ANO4: variants seen among roughly 807,000 people sequenced by gnomAD.
ANO4 encodes anoctamin 4.
ANO4 carries 69 observed loss-of-function variants against 141.9 expected under a neutral mutation model. That is an observed-to-expected ratio of 0.49 (90% CI 0.40 to 0.59). The LOEUF is 0.59. ANO4 is among the 20% of genes least tolerant of loss of function. ANO4 has a pLI of 0.00. For synonymous variants in ANO4, 350 were observed against 394.3 expected, an observed-to-expected ratio of 0.89 and a Z score of 1.33; for missense variants, 894 against 1,162.2, an observed-to-expected ratio of 0.77 and a Z score of 3.36.
intron 2 of ANO4, among the ~76,000 whole-genome samples, chr12:100,902,905 A>G (rs747806917): frequency 1.8e-4 from 27 of 152,254 alleles, no homozygotes; most frequent in Non-Finnish European, 5.9e-5. Flanking sequence ...CTTCCTCAGG[A>G]GAATGTGTCC....
chr12:100,885,578 C>G (rs909216628), intron 1 of ANO4: 2 of 152,196 alleles, frequency 1.3e-5, no homozygotes, highest in East Asian at 3.8e-4. Flanking sequence ...ACTCAGTTTT[C>G]TCATCTGTAA....
chr12:100,986,123 C>T (rs548471781), intron 7 of ANO4, among the ~76,000 whole-genome samples: 6 of 152,270 alleles, frequency 3.9e-5, no homozygotes, highest in African/African-American at 1.4e-4. Context: ...CATCTCTCTT[C>T]TTCTGCCCTT....
intron 1 of ANO4, among the ~76,000 whole-genome samples, chr12:100,866,420 C>T (rs931474832): frequency 7.9e-5 from 12 of 152,284 alleles, no homozygotes; most frequent in East Asian, 5.8e-4. Flanking sequence ...GGCTGGATGG[C>T]GGTGACCCAA....
chr12:100,810,177 T>C (rs1399361169), intron 1 of ANO4, among the ~76,000 whole-genome samples: 1 of 147,852 alleles, frequency 6.8e-6, no homozygotes, highest in Non-Finnish European at 1.5e-5. Flanking sequence ...GATAGTCCTC[T>C]GGGCAAGGTG....
At chr12:100,727,340 T>C (rs1445953400) in intron 1 of ANO4, among the ~76,000 whole-genome samples, 1 of 152,234 alleles carries the variant, frequency 6.6e-6, no homozygotes, top group Non-Finnish European at 1.5e-5. Context: ...GGTTTCAGAT[T>C]ATTTTATTCT....
chr12:100,864,755 A>AG (rs2038666322), intron 1 of ANO4, among the ~76,000 whole-genome samples: 1 of 152,144 alleles, frequency 6.6e-6, no homozygotes, highest in African/African-American at 2.4e-5. Context: ...TTACATAGAT[A>AG]TACATGCGCC....
Position 101,097,654 on chromosome 12 carries a change from T to C in ANO4, c.1854T>C (p.Phe618=). 6.2e-7 allele frequency: 1 copy of C among 1,613,742 alleles called. No homozygotes were observed. The highest frequency in any genetic ancestry group is 1.3e-5 in the African/African-American group (1 of 75,038). The part of the protein sequence containing the change: ...TFYIAFFLGR[F]TGHPGAYLRL... ...TGTTTTTCTCTGTGTGTTGAAGATT[T>C]ACAGGACACCCAGGTGCCTACTTGA... Residue 618 remains phenylalanine (F), a synonymous_variant, in exon 20 of 28, where the codon TTT becomes TTC. Coordinates refer to ENST00000392977, the MANE Select transcript of ANO4 (RefSeq NM_001286615.2).
At chr12:100,901,872 T>C in intron 2 of ANO4, 32 bp downstream of exon 2, 3 of 1,545,556 alleles carry the variant, frequency 1.9e-6, no homozygotes, top group Non-Finnish European at 2.6e-6. Context: ...CGGGGACCCA[T>C]TTCAGTAGCA....
chr12:101,125,829 ATCGGGGATAT>A (rs2051291538), intron 26 of ANO4, among the ~76,000 whole-genome samples: 1 of 151,894 alleles, frequency 6.6e-6, no homozygotes, highest in Admixed American at 6.5e-5. Context: ...ATCAATGTTC[ATCGGGGATAT>A]TGGCCTGAAG....
intron 19 of ANO4, 90 bp downstream of exon 19, chr12:101,096,737 G>A: frequency 1.0e-6 from 1 of 980,486 alleles, no homozygotes; most frequent in South Asian, 1.4e-5. Context: ...CCCTCCCTTA[G>A]GGTGATTTAT....
rs541407665 is a variant in ANO4 at position 100,881,843 on chromosome 12, G to GA, written c.-140-19800dup. Among the ~76,000 whole-genome samples, 261 of 152,254 alleles carry GA rather than the reference G, an allele frequency of 1.7e-3. 1 individual carries two copies. Among genetic ancestry groups the GA allele is most frequent in the African/African-American group, 5.9e-3 (244 of 41,560 alleles). On this transcript the variant is annotated intron_variant, in intron 1 of 27. Transcript: ENST00000392977. ...TCTTAATCAGCCTGTTTTCCTTGAA[G>GA]AAATTTGCTTCTCTTGTGATACAGG...
chr12:100,969,825 A>G (rs1436448065), intron 5 of ANO4, among the ~76,000 whole-genome samples: 2 of 152,244 alleles, frequency 1.3e-5, no homozygotes, highest in South Asian at 2.1e-4. Context: ...GATCAATCCT[A>G]TATGAGAAAG....
At chr12:100,750,855 G>A (rs2032341842) in intron 3 of ANO4, among the ~76,000 whole-genome samples, 1 of 152,144 alleles carries the variant, frequency 6.6e-6, no homozygotes. Context: ...TCTTAGTTCT[G>A]GTTCTCTGGG....
intron 14 of ANO4, among the ~76,000 whole-genome samples, chr12:101,058,808 A>G (rs1039986400): frequency 6.6e-6 from 1 of 152,184 alleles, no homozygotes; most frequent in Non-Finnish European, 1.5e-5. Context: ...TCATCTGCAA[A>G]TAGAGACAAT....
chr12:100,865,423 G>A (rs1206506318), intron 1 of ANO4, among the ~76,000 whole-genome samples: 3 of 152,066 alleles, frequency 2.0e-5, no homozygotes, highest in Non-Finnish European at 4.4e-5. Flanking sequence ...CTGACAAAGG[G>A]CTAATATCTA....
At chr12:100,801,339 TAA>T (rs766326942) in intron 1 of ANO4, among the ~76,000 whole-genome samples, 1 of 152,130 alleles carries the variant, frequency 6.6e-6, no homozygotes, top group African/African-American at 2.4e-5. Flanking sequence ...CTGAGAAGGA[TAA>T]AGAGATTGGC....
At chr12:101,037,900 G>A (rs1209123494) in intron 10 of ANO4, among the ~76,000 whole-genome samples, 2 of 152,200 alleles carry the variant, frequency 1.3e-5, no homozygotes, top group Non-Finnish European at 2.9e-5. Flanking sequence ...CCAATGTGCA[G>A]CAACTGTTAG....
At chr12:101,058,823 CTTCCTCTT>C (rs1277291995) in intron 14 of ANO4, among the ~76,000 whole-genome samples, 1 of 152,216 alleles carries the variant, frequency 6.6e-6, no homozygotes, top group African/African-American at 2.4e-5. Context: ...GACAATTCGA[CTTCCTCTT>C]TTCCTATTTG....
intron 8 of ANO4, among the ~76,000 whole-genome samples, chr12:101,006,679 G>C (rs1281316839): frequency 6.6e-6 from 1 of 152,184 alleles, no homozygotes; most frequent in East Asian, 1.9e-4. Flanking sequence ...CCTCAATGCT[G>C]AGCAAGCAAA....
Sources: allele counts gnomAD v4.1 joint callset (sites outside exome capture counted in the v4.1 genomes callset), GRCh38; gene constraint gnomAD v4.1.1; transcripts MANE v1.5; gene names NCBI Gene and HGNC (gene_info 2026-07-23, HGNC 2026-07-21).